KIAA1328: variants seen among roughly 807,000 people sequenced by gnomAD.
KIAA1328 encodes protein hinderin.
In KIAA1328, 52 loss-of-function variants were observed where a neutral mutation model predicts 68.1. The ratio of observed to expected loss-of-function variants is 0.76; its 90% confidence interval spans 0.61 to 0.96. The LOEUF is 0.96. KIAA1328 is among the 40% of genes least tolerant of loss of function. The pLI, the probability that KIAA1328 is intolerant of heterozygous loss-of-function variation, is 0.00. For missense variants in KIAA1328, 641 were observed against 677.6 expected (o/e 0.95, Z 0.60); for synonymous variants, 232 against 239.4 (o/e 0.97, Z 0.28).
chr18:36,993,458 A>T (rs963258619), intron 6 of KIAA1328, among the ~76,000 whole-genome samples: 7 of 152,212 alleles, frequency 4.6e-5, no homozygotes, highest in African/African-American at 1.7e-4. Flanking sequence ...GTGGGAAATA[A>T]ATGGTATAGC....
At chr18:37,152,923 C>T (rs1168241589) in intron 7 of KIAA1328, among the ~76,000 whole-genome samples, 1 of 152,092 alleles carries the variant, frequency 6.6e-6, no homozygotes, top group Non-Finnish European at 1.5e-5. Context: ...ATGCTGGCAG[C>T]TGTGCCAATA....
intron 4 of KIAA1328, among the ~76,000 whole-genome samples, chr18:36,864,162 G>A (rs2047662472): frequency 6.6e-6 from 1 of 152,154 alleles, no homozygotes. Context: ...ATTGCATGCT[G>A]AATTTTGTTA....
intron 6 of KIAA1328, among the ~76,000 whole-genome samples, chr18:37,003,581 C>G (rs1272676989): frequency 6.6e-6 from 1 of 152,176 alleles, no homozygotes; most frequent in East Asian, 1.9e-4. Flanking sequence ...TGCAGAAGCT[C>G]TTTAGTTTAA....
At chr18:36,948,948 TCAC>T (rs1243196638) in intron 5 of KIAA1328, among the ~76,000 whole-genome samples, 5 of 152,260 alleles carry the variant, frequency 3.3e-5, no homozygotes, top group Non-Finnish European at 7.3e-5. Flanking sequence ...TCACACAACT[TCAC>T]TGATCAGCCT....
chr18:37,201,799 G>A (rs2060119528), intron 9 of KIAA1328, among the ~76,000 whole-genome samples: 1 of 152,176 alleles, frequency 6.6e-6, no homozygotes, highest in Non-Finnish European at 1.5e-5. Flanking sequence ...TGGCCTATCA[G>A]AAAGTGGCAT....
At chr18:37,119,766 A>G (rs1285856726) in intron 7 of KIAA1328, among the ~76,000 whole-genome samples, 1 of 152,182 alleles carries the variant, frequency 6.6e-6, no homozygotes, top group Non-Finnish European at 1.5e-5. Flanking sequence ...CATTTACAAC[A>G]ATAAGTATAG....
At chr18:36,905,480 A>G (rs1039383664) in intron 5 of KIAA1328, among the ~76,000 whole-genome samples, 18 of 152,120 alleles carry the variant, frequency 1.2e-4, no homozygotes, top group Non-Finnish European at 2.1e-4. Flanking sequence ...TATAGTCCAC[A>G]TTTTTGTTAT....
chr18:37,225,159 G>A lies in KIAA1328; in HGVS notation c.*2932G>A, dbSNP rs2060624826. The A allele has an allele frequency of 2.5e-5, 25 of 985,466 alleles. No homozygotes were observed. The highest frequency in any genetic ancestry group is 3.0e-5 in the Non-Finnish European group (25 of 829,964). 61.0% of individuals were successfully genotyped at this position (985,466 alleles called of 1,614,324 possible). A position where few individuals can be genotyped will look rare whatever the true frequency, so the allele number is the denominator to read the frequency against. ...CTTCTGGCCAGAGAATCAGGGGAGA[G>A]GAGAGGCCTGATGGGGCAGAGCTGG... On this transcript the variant is annotated 3_prime_UTR_variant, in exon 10 of 10. Coordinates refer to ENST00000280020, the MANE Select transcript of KIAA1328 (RefSeq NM_020776.3).
intron 6 of KIAA1328, among the ~76,000 whole-genome samples, chr18:37,006,280 G>T (rs1391140797): frequency 6.6e-6 from 1 of 151,746 alleles, no homozygotes. Context: ...TTTCCCAAAA[G>T]TCAAGAGTAA....
chr18:36,881,136 G>GTT (rs765071340), intron 4 of KIAA1328, among the ~76,000 whole-genome samples: 12,156 of 131,578 alleles, frequency 0.092, 1,681 homozygotes, highest in African/African-American at 0.3. Flanking sequence ...AAGTTAACTT[G>GTT]TTTTTTTTTT....
At chr18:37,017,533 AGTGATCT>A (rs1223309890) in intron 6 of KIAA1328, among the ~76,000 whole-genome samples, 25 of 152,236 alleles carry the variant, frequency 1.6e-4, no homozygotes, top group Non-Finnish European at 7.4e-5. Flanking sequence ...TTTCTGCCTC[AGTGATCT>A]GTCTTATGCC....
At chr18:37,163,578 T>G (rs577854556) in intron 8 of KIAA1328, among the ~76,000 whole-genome samples, 17 of 152,162 alleles carry the variant, frequency 1.1e-4, no homozygotes, top group Non-Finnish European at 1.6e-4. Context: ...TGGAAGATGA[T>G]TATTCTAGAC....
intron 5 of KIAA1328, among the ~76,000 whole-genome samples, chr18:36,891,820 A>C (rs952787630): frequency 1.3e-5 from 2 of 152,144 alleles, no homozygotes; most frequent in Non-Finnish European, 2.9e-5. Flanking sequence ...TTGGGTGGAT[A>C]CCCAGTAGTG....
intron 5 of KIAA1328, among the ~76,000 whole-genome samples, chr18:36,955,392 C>G: frequency 6.6e-6 from 1 of 151,150 alleles, no homozygotes. Context: ...TCACTGCAAC[C>G]TCCATCTCCT....
chr18:36,840,199 T>A (rs1600933550), intron 3 of KIAA1328, among the ~76,000 whole-genome samples: 1 of 152,180 alleles, frequency 6.6e-6, no homozygotes, highest in Non-Finnish European at 1.5e-5. Context: ...GCTCGCCTTG[T>A]TTGTTTCTGC....
intron 7 of KIAA1328, chr18:37,084,135 C>A: frequency 6.7e-7 from 1 of 1,487,030 alleles, no homozygotes; most frequent in Non-Finnish European, 8.9e-7. Context: ...GTTAAAAGCT[C>A]AGGCTCTGTT....
intron 7 of KIAA1328, among the ~76,000 whole-genome samples, chr18:37,141,411 C>T (rs746346759): frequency 1.5e-4 from 23 of 152,118 alleles, no homozygotes; most frequent in African/African-American, 2.4e-4. Flanking sequence ...CAAATTGCTG[C>T]GTGTTTCAGT....
chr18:37,207,623 C>T (rs2060240439), intron 9 of KIAA1328, among the ~76,000 whole-genome samples: 1 of 152,100 alleles, frequency 6.6e-6, no homozygotes, highest in Admixed American at 6.5e-5. Context: ...TATGAGGGTC[C>T]AGAGTCCCTA....
chr18:36,853,661 T>A (rs1249014340), intron 4 of KIAA1328, among the ~76,000 whole-genome samples: 1 of 151,998 alleles, frequency 6.6e-6, no homozygotes, highest in African/African-American at 2.4e-5. Flanking sequence ...TTTTTATTTT[T>A]TTTATTTTTA....
Sources: allele counts gnomAD v4.1 joint callset (sites outside exome capture counted in the v4.1 genomes callset), GRCh38; gene constraint gnomAD v4.1.1; transcripts MANE v1.5; gene names NCBI Gene and HGNC (gene_info 2026-07-23, HGNC 2026-07-21).